The following SULF2 variants were observed in gnomAD, a reference collection of about 807,000 sequenced individuals.
The protein encoded by SULF2 is sulfatase 2, also known as extracellular sulfatase Sulf-2.
Under a neutral mutation model 107.7 loss-of-function variants are expected in SULF2, and 52 were observed. That is an observed-to-expected ratio of 0.48 (90% CI 0.39 to 0.61). The LOEUF (loss-of-function observed/expected upper bound fraction) is 0.61. SULF2 is among the 20% of genes least tolerant of loss of function. The probability of loss-of-function intolerance (pLI) is 0.00; values close to 1 mark genes in which losing one functional copy is unlikely to be tolerated. For missense variants in SULF2, 993 were observed against 1,177.3 expected (o/e 0.84, Z 2.29); for synonymous variants, 460 against 464.3 (o/e 0.99, Z 0.12).
chr20:47,690,364 C>G, intron 4 of SULF2, 69 bp from the exon 5 acceptor site: 2 of 1,272,464 alleles, frequency 1.6e-6, no homozygotes, highest in East Asian at 5.6e-5. Flanking sequence ...CACTACGTGC[C>G]AGGCACCCTG....
chr20:47,724,372 G>C (rs1046331801), intron 3 of SULF2, among the ~76,000 whole-genome samples: 2 of 152,224 alleles, frequency 1.3e-5, no homozygotes, highest in African/African-American at 2.4e-5. Flanking sequence ...CCTGTTTTTA[G>C]TGAGGCTGTG....
chr20:47,688,524 C>T (rs1253454242), intron 5 of SULF2, among the ~76,000 whole-genome samples: 1 of 152,222 alleles, frequency 6.6e-6, no homozygotes, highest in Non-Finnish European at 1.5e-5. Flanking sequence ...CGAAGCAAAG[C>T]GTCCCTTCCC....
In SULF2 at chr20:47,711,169, T is replaced by C. The variant is rs536070066; in HGVS notation, c.416-8499A>G. Among the ~76,000 whole-genome samples, 23 of 152,338 alleles carry C rather than the reference T, an allele frequency of 1.5e-4. No individual in the cohort carries two copies. The South Asian group carries it at 4.3e-3, about 29-fold the overall frequency. On this transcript the variant is annotated intron_variant, in intron 3 of 20. Coordinates refer to ENST00000688720, the MANE Select transcript of SULF2 (RefSeq NM_001387048.1). ...CCCTGCTGCAGACATGTCCCCGCCATGCCGGGCCGGCGTAGGAACACGCTG... is the reference window on the plus strand; with the variant it reads ...CCCTGCTGCAGACATGTCCCCGCCACGCCGGGCCGGCGTAGGAACACGCTG...
At chr20:47,701,945 C>G (rs985528215) in intron 4 of SULF2, among the ~76,000 whole-genome samples, 1 of 152,172 alleles carries the variant, frequency 6.6e-6, no homozygotes, top group Admixed American at 6.5e-5. Flanking sequence ...GTGCGGCAAG[C>G]CTTTGAATGG....
At chr20:47,665,683 T>C (rs1417385748) in intron 13 of SULF2, among the ~76,000 whole-genome samples, 174 bp downstream of exon 13, 1 of 152,216 alleles carries the variant, frequency 6.6e-6, no homozygotes, top group African/African-American at 2.4e-5. Flanking sequence ...CAGGAAGCTA[T>C]CTGTCTCATG....
At chr20:47,759,005 C>G (rs938528403) in intron 1 of SULF2, among the ~76,000 whole-genome samples, 1 of 152,198 alleles carries the variant, frequency 6.6e-6, no homozygotes, top group African/African-American at 2.4e-5. Context: ...AGGGGTCTCC[C>G]GCCTCCCTCT....
intron 1 of SULF2, among the ~76,000 whole-genome samples, chr20:47,782,788 G>A (rs1479531786): frequency 1.3e-5 from 2 of 152,106 alleles, no homozygotes; most frequent in African/African-American, 2.4e-5. Context: ...GTTTTCCTTG[G>A]GGCAAAAAAC....
intron 6 of SULF2, 89 bp downstream of exon 6, chr20:47,684,342 G>A: frequency 2.9e-6 from 4 of 1,400,282 alleles, no homozygotes; most frequent in Non-Finnish European, 3.8e-6. Context: ...ATTCCTCCAG[G>A]AAAACCCTGA....
At chr20:47,761,366 C>T (rs953381747) in intron 1 of SULF2, among the ~76,000 whole-genome samples, 2 of 152,234 alleles carry the variant, frequency 1.3e-5, no homozygotes, top group African/African-American at 2.4e-5. Context: ...TCAAGGACCA[C>T]GGCCCTGATT....
chr20:47,679,644 G>A (rs1364223712), intron 7 of SULF2, among the ~76,000 whole-genome samples: 2 of 152,186 alleles, frequency 1.3e-5, no homozygotes, highest in African/African-American at 2.4e-5. Context: ...GAGCAGGGAC[G>A]CAGATGCTCC....
chr20:47,665,772 G>A, intron 13 of SULF2, 85 bp downstream of exon 13: 3 of 1,146,682 alleles, frequency 2.6e-6, no homozygotes, highest in Admixed American at 1.7e-5. Flanking sequence ...CCTGGGTCTG[G>A]CCTCACTGCC....
At chr20:47,717,685 C>T (rs894417205) in intron 3 of SULF2, among the ~76,000 whole-genome samples, 2 of 152,146 alleles carry the variant, frequency 1.3e-5, no homozygotes, top group African/African-American at 4.8e-5. Flanking sequence ...CGGCCGTGGG[C>T]TTTTGAAGGA....
At chr20:47,662,017 C>T (rs993532735) in intron 17 of SULF2, 121 bp from the exon 18 acceptor site, 2 of 1,042,930 alleles carry the variant, frequency 1.9e-6, no homozygotes, top group African/African-American at 3.3e-5. Context: ...GGGCTGGTGA[C>T]CTGTTTACTC....
intron 3 of SULF2, among the ~76,000 whole-genome samples, chr20:47,713,453 T>C (rs6090719): frequency 6.6e-6 from 1 of 151,956 alleles, no homozygotes; most frequent in Non-Finnish European, 1.5e-5. Context: ...AACGACAGGG[T>C]TGCAGTGTGG....
intron 2 of SULF2, among the ~76,000 whole-genome samples, chr20:47,755,111 G>T (rs545429582): frequency 6.6e-6 from 1 of 152,204 alleles, no homozygotes; most frequent in Non-Finnish European, 1.5e-5. Context: ...GATTACAGGC[G>T]TGAGCCACTG....
intron 1 of SULF2, among the ~76,000 whole-genome samples, chr20:47,763,633 C>G (rs573130087): frequency 6.6e-6 from 1 of 152,270 alleles, no homozygotes; most frequent in Non-Finnish European, 1.5e-5. Flanking sequence ...GGCCAGAGCC[C>G]CGCAACAGAC....
chr20:47,677,431 C>CGCGTGTGT (rs2087686042), intron 8 of SULF2, among the ~76,000 whole-genome samples: 1 of 112,588 alleles, frequency 8.9e-6, no homozygotes, highest in Non-Finnish European at 2.0e-5. Context: ...TGTGTGTGTG[C>CGCGTGTGT]GCGCACACAC....
intron 2 of SULF2, among the ~76,000 whole-genome samples, chr20:47,745,320 C>T (rs1013775200): frequency 1.7e-4 from 25 of 146,594 alleles, no homozygotes; most frequent in Non-Finnish European, 2.8e-4. Context: ...ACCTCAGTTT[C>T]CCCATCTGCA....
chr20:47,678,628 C>T lies in SULF2; in HGVS notation c.1193+48G>A. On this transcript the variant is annotated intron_variant, in intron 8 of 20. Transcript: ENST00000688720. This position sits in a 1 kb window ranked among gnomAD's most constrained non-coding sequence, Gnocchi z 4.5. Reference sequence around the variant, plus strand: ...CACAGGGTTTTGCTCTGAGTTCCCGCAGGTCAATGTCCCGGCCCCCTCAAC... The same window carrying T: ...CACAGGGTTTTGCTCTGAGTTCCCGTAGGTCAATGTCCCGGCCCCCTCAAC... 6.2e-7 allele frequency: 1 copy of T among 1,606,974 alleles called. No individual in the cohort carries two copies.
Sources: gnomAD v4.1 joint callset for allele counts (sites outside exome capture counted in the v4.1 genomes callset) on GRCh38, gnomAD v4.1.1 for gene constraint, Gnocchi (gnomAD v3.1) non-coding constraint, MANE v1.5 for transcripts, NCBI Gene and HGNC (gene_info 2026-07-23, HGNC 2026-07-21) for gene names.